Variants in SMTNL2 observed in about 807,000 individuals in gnomAD.
The protein encoded by SMTNL2 is smoothelin-like protein 2.
In SMTNL2, 43 loss-of-function variants were observed where a neutral mutation model predicts 44.1. That is an observed-to-expected ratio of 0.98 (90% confidence interval 0.76 to 1.26). The LOEUF is 1.26. SMTNL2 is among the 50% of genes most tolerant of loss of function. The probability of loss-of-function intolerance (pLI) is 0.00; values close to 1 mark genes in which losing one functional copy is unlikely to be tolerated. For missense variants in SMTNL2, 646 were observed against 670.2 expected (o/e 0.96, Z 0.40); for synonymous variants, 317 against 287.6 (o/e 1.10, Z -1.03).
rs949063011 is a variant in SMTNL2, at chr17:4,584,584, G to A, written c.-22G>A. ...CTTCTCCCCCGTCTGGCCCGCTCTC[G>A]ACCCGCGCGCTCTGCTGGGCCATGG... is the stretch of plus-strand genomic sequence containing the variant. On this transcript the variant is annotated 5_prime_UTR_variant, in exon 1 of 8. Transcript: ENST00000389313. 1.6e-6 allele frequency: 2 copies of A among 1,223,588 alleles called. No homozygotes were observed. Among genetic ancestry groups the A allele is most frequent in the Admixed American group, 4.3e-5 (1 of 23,144 alleles). The allele number at this position is 1,223,588 out of a possible 1,614,324, so 75.8% of individuals were successfully genotyped here.
chr17:4,604,406 G>A (rs1316938083), intron 7 of SMTNL2, among the ~76,000 whole-genome samples: 1 of 152,210 alleles, frequency 6.6e-6, no homozygotes, highest in Non-Finnish European at 1.5e-5. Flanking sequence ...TTGGTTTCTG[G>A]TAGGAGGCCT....
chr17:4,596,233 G>A (rs564134599), intron 5 of SMTNL2, among the ~76,000 whole-genome samples: 29 of 151,600 alleles, frequency 1.9e-4, no homozygotes, highest in East Asian at 1.2e-3. Context: ...TGGCCCAAGC[G>A]TGGTATTGAT....
In SMTNL2 at chr17:4,596,907, G is replaced by C. The variant is rs1243420034; in HGVS notation, c.1037G>C (p.Gly346Ala). The C allele has an allele frequency of 6.6e-7, 1 of 1,521,798 alleles. No homozygotes were observed. The highest frequency in any genetic ancestry group is 2.5e-5 in the East Asian group (1 of 40,094). The allele number at this position is 1,521,798 out of a possible 1,614,324, so 94.3% of individuals were successfully genotyped here. ...AGGCTGAAGCGGTCGCAGAGCTTCGGCGTGGCCAGCGCCAGCAGCATCAAG... is the reference window on the plus strand; with the variant it reads ...AGGCTGAAGCGGTCGCAGAGCTTCGCCGTGGCCAGCGCCAGCAGCATCAAG... ...RARLKRSQSF[G>A]VASASSIKQI... Residue 346 changes from glycine (G) to alanine (A), a missense_variant, in exon 6 of 8, where the codon GGC (glycine) becomes GCC (alanine). Physicochemically the swap from Gly to Ala is moderately conservative, Grantham distance 60 (BLOSUM62 0). Coordinates refer to ENST00000389313, the MANE Select transcript of SMTNL2 (RefSeq NM_001114974.2).
intron 7 of SMTNL2, among the ~76,000 whole-genome samples, chr17:4,601,695 T>G (rs1296193474): frequency 6.6e-6 from 1 of 151,846 alleles, no homozygotes; most frequent in Non-Finnish European, 1.5e-5. Context: ...GGCTATTTTT[T>G]TTTTTTTAGA....
At chr17:4,591,553 G>C (rs1909571880) in intron 1 of SMTNL2, among the ~76,000 whole-genome samples, 1 of 152,270 alleles carries the variant, frequency 6.6e-6, no homozygotes, top group Non-Finnish European at 1.5e-5. Context: ...GAGGACAGTT[G>C]CTATAAGTGG....
intron 1 of SMTNL2, among the ~76,000 whole-genome samples, chr17:4,589,293 C>A (rs1165353673): frequency 6.6e-6 from 1 of 152,138 alleles, no homozygotes; most frequent in Non-Finnish European, 1.5e-5. Flanking sequence ...TCACCCTCAG[C>A]CTTTCCCCCC....
Position 4,593,887 on chromosome 17 carries a change from C to A in SMTNL2, c.796C>A (p.His266Asn), listed in dbSNP as rs1909691026. Residue 266 changes from histidine (H) to asparagine (N), a missense_variant, in exon 4 of 8, where the codon CAC becomes AAC. His to Asn is a moderately conservative substitution (Grantham distance 68). Coordinates refer to ENST00000389313, the MANE Select transcript of SMTNL2 (RefSeq NM_001114974.2). ...CTATGGGGCAGTGACAGCAAGCAAA[C>A]ACAGCAATAGGTGAGTCAGGGCCTG... is the stretch of plus-strand genomic sequence containing the variant. ...SGYGAVTASK[H>N]SNSPPLVTPP... The A allele has an allele frequency of 6.2e-7, 1 of 1,614,056 alleles. No individual in the cohort carries two copies. The highest frequency in any genetic ancestry group is 8.5e-7 in the Non-Finnish European group (1 of 1,179,994).
chr17:4,606,088 G>T (rs1026863270), intron 7 of SMTNL2, among the ~76,000 whole-genome samples: 1 of 152,132 alleles, frequency 6.6e-6, no homozygotes, highest in Non-Finnish European at 1.5e-5. Context: ...GGGCCCTGGG[G>T]GGCTGGGGGT....
At chr17:4,599,943 A>AG (rs1236000601) in intron 7 of SMTNL2, among the ~76,000 whole-genome samples, 2 of 152,036 alleles carry the variant, frequency 1.3e-5, no homozygotes, top group Non-Finnish European at 2.9e-5. Context: ...CCAGCTGTGG[A>AG]GGGGGCAGGG....
Position 4,600,453 on chromosome 17 carries a change from G to A in SMTNL2, c.1259+3130G>A, listed in dbSNP as rs187688661. Among the ~76,000 whole-genome samples, 16 of 152,200 alleles carry A rather than the reference G, an allele frequency of 1.1e-4. No individual in the cohort carries two copies. The East Asian group carries it at 1.3e-3, about 13-fold the overall frequency. On this transcript the variant is annotated intron_variant, in intron 7 of 7. Coordinates refer to ENST00000389313, the MANE Select transcript of SMTNL2 (RefSeq NM_001114974.2). The surrounding 1 kb of genome is among the most constrained non-coding windows in gnomAD (Gnocchi z 4.7). Reference sequence around the variant, plus strand: ...AGGAGGACACAGGTCCCCAAACCACGGGTTCACCTTGCGTGAGGAATGAAG... The same window carrying A: ...AGGAGGACACAGGTCCCCAAACCACAGGTTCACCTTGCGTGAGGAATGAAG...
intron 4 of SMTNL2, among the ~76,000 whole-genome samples, chr17:4,594,104 G>GAAATATGGTA (rs374429081): frequency 7.4e-4 from 113 of 152,224 alleles, no homozygotes; most frequent in Non-Finnish European, 1.5e-3. Flanking sequence ...TTCATTTGGA[G>GAAATATGGTA]AAATATGGTC....
chr17:4,587,176 T>C (rs1909375732), intron 1 of SMTNL2, among the ~76,000 whole-genome samples: 1 of 152,024 alleles, frequency 6.6e-6, no homozygotes, highest in South Asian at 2.1e-4. Context: ...GGAGTGAAGA[T>C]GGAGACCCAG....
chr17:4,584,442 C>G, upstream of SMTNL2: 1 of 699,976 alleles, frequency 1.4e-6, no homozygotes, highest in Non-Finnish European at 2.0e-6. Context: ...GGGGGTGTCC[C>G]GGAGTCGTCC....
rs559655529 is a variant in SMTNL2, at chr17:4,584,560, T to C, written c.-46T>C. On this transcript the variant is annotated 5_prime_UTR_variant, in exon 1 of 8. Transcript: ENST00000389313. ...GGCCCGGAGCTGCGGAGCTCGGATC[T>C]TCTCCCCCGTCTGGCCCGCTCTCGA... 1.3e-3 allele frequency: 1,573 copies of C among 1,216,260 alleles called. 16 individuals are homozygous for C. The African/African-American group carries it at 0.022, about 17-fold the overall frequency. The allele number at this position is 1,216,260 out of a possible 1,614,324, so 75.3% of individuals were successfully genotyped here. A position where few individuals can be genotyped will look rare whatever the true frequency, so the allele number is the denominator to read the frequency against.
rs765229750 is a variant in SMTNL2 at position 4,592,968 on chromosome 17, C to T, written c.527C>T (p.Ser176Leu). The change falls in exon 3 of 8, where the codon TCA (serine) becomes TTA (leucine). Residue 176 changes from serine to leucine, a missense_variant. By Grantham distance (145) the Ser-to-Leu change is moderately radical (BLOSUM62 -2). Coordinates refer to ENST00000389313, the MANE Select transcript of SMTNL2 (RefSeq NM_001114974.2). The surrounding 1 kb of genome is among the most constrained non-coding windows in gnomAD (Gnocchi z 4.5). ...CCCCCTGAGATTGCCCAAAACTTCT[C>T]AGCACCAGATCCCCCCAGGCCTCGT... ...DGPPEIAQNF[S>L]APDPPRPRPV... 2 of 1,613,904 alleles carry T rather than the reference C, an allele frequency of 1.2e-6. No individual in the cohort carries two copies. The highest frequency in any genetic ancestry group is 2.7e-5 in the African/African-American group (2 of 74,930).
chr17:4,588,969 C>T (rs1242101552), intron 1 of SMTNL2, among the ~76,000 whole-genome samples: 4 of 152,190 alleles, frequency 2.6e-5, no homozygotes, highest in South Asian at 2.1e-4. Flanking sequence ...TAGCCCCTTG[C>T]GCCTTGACCT....
intron 7 of SMTNL2, among the ~76,000 whole-genome samples, chr17:4,599,996 C>T (rs977281433): frequency 1.2e-4 from 19 of 152,152 alleles, no homozygotes; most frequent in African/African-American, 4.3e-4. Context: ...TCTTGCTTTT[C>T]TGCTGACTCG....
Position 4,597,278 on chromosome 17 carries a change from C to T in SMTNL2, c.1214C>T (p.Pro405Leu). ...GCCTTTGACTACAACTCCCTGAGCCCCACGCAGAGGCAGAAGAACTTCGAG... is the reference window on the plus strand; with the variant it reads ...GCCTTTGACTACAACTCCCTGAGCCTCACGCAGAGGCAGAAGAACTTCGAG... ...PDAFDYNSLS[P>L]TQRQKNFELA... Residue 405 changes from proline to leucine, a missense_variant, in exon 7 of 8, where the codon CCC (proline) becomes CTC (leucine). By Grantham distance (98) the Pro-to-Leu change is moderately conservative. Coordinates refer to ENST00000389313, the MANE Select transcript of SMTNL2 (RefSeq NM_001114974.2). The T allele has an allele frequency of 2.5e-6, 4 of 1,614,184 alleles. No homozygotes were observed. The highest frequency in any genetic ancestry group is 3.4e-6 in the Non-Finnish European group (4 of 1,180,008).
Position 4,600,952 on chromosome 17 carries a change from A to G in SMTNL2, c.1259+3629A>G, listed in dbSNP as rs1910004784. ...TGGCATCCTGGTCTGCATTTAGAGC[A>G]GGCTTAAAAAAATAAAAATAACCCC... On this transcript the variant is annotated intron_variant, in intron 7 of 7. Transcript: ENST00000389313. This position sits in a 1 kb window ranked among gnomAD's most constrained non-coding sequence, Gnocchi z 4.7. Among the ~76,000 whole-genome samples, 1 of 152,198 alleles carries G rather than the reference A, an allele frequency of 6.6e-6. No homozygotes were observed. The highest frequency in any genetic ancestry group is 1.5e-5 in the Non-Finnish European group (1 of 68,024).
Sources: gnomAD v4.1 joint callset for allele counts (sites outside exome capture counted in the v4.1 genomes callset) on GRCh38, gnomAD v4.1.1 for gene constraint, Gnocchi (gnomAD v3.1) non-coding constraint, MANE v1.5 for transcripts, NCBI Gene and HGNC (gene_info 2026-07-23, HGNC 2026-07-21) for gene names.